The following PLCB4 variants were observed in gnomAD, a reference collection of about 807,000 sequenced individuals.
PLCB4 encodes phospholipase C beta 4.
PLCB4 carries 77 observed loss-of-function variants against 178.8 expected under a neutral mutation model. The observed-to-expected ratio is 0.43, with a 90% confidence interval of 0.36 to 0.52. The LOEUF is 0.52. Among genes scored for constraint, PLCB4 ranks in the 20% least tolerant of loss-of-function variants. The pLI is 0.00. For missense variants in PLCB4, 1,024 were observed against 1,453.4 expected (o/e 0.70, Z 4.80); for synonymous variants, 496 against 490.8 (o/e 1.01, Z -0.14).
At chr20:9,223,439 C>T (rs2093823998) in intron 3 of PLCB4, among the ~76,000 whole-genome samples, 1 of 152,162 alleles carries the variant, frequency 6.6e-6, no homozygotes, top group Admixed American at 6.5e-5. Context: ...TTTCTGTGGT[C>T]AGGAGTTAGG....
chr20:9,078,305 T>A (rs1308536297), intron 1 of PLCB4, among the ~76,000 whole-genome samples: 1 of 151,482 alleles, frequency 6.6e-6, no homozygotes. Flanking sequence ...TGAAATGATA[T>A]GTTGATAAAG....
chr20:9,367,658 C>G (rs1432435192), intron 9 of PLCB4, among the ~76,000 whole-genome samples: 1 of 152,158 alleles, frequency 6.6e-6, no homozygotes, highest in Non-Finnish European at 1.5e-5. Flanking sequence ...AGATGAGGTT[C>G]AGGAAATGGG....
At chr20:9,361,271 G>A (rs145535683) in intron 7 of PLCB4, among the ~76,000 whole-genome samples, 4 of 152,298 alleles carry the variant, frequency 2.6e-5, no homozygotes, top group Non-Finnish European at 5.9e-5. Context: ...CATCAGAGGT[G>A]AATGGATGAG....
intron 32 of PLCB4, among the ~76,000 whole-genome samples, chr20:9,453,120 T>C (rs1014260822): frequency 2.4e-4 from 36 of 152,214 alleles, no homozygotes; most frequent in African/African-American, 8.4e-4. Context: ...GCATTTGAAC[T>C]GGGCATGTTC....
intron 3 of PLCB4, among the ~76,000 whole-genome samples, chr20:9,230,013 A>C (rs1044124231): frequency 6.6e-6 from 1 of 152,168 alleles, no homozygotes; most frequent in Non-Finnish European, 1.5e-5. Context: ...GGATGGCCTA[A>C]ACCCACAGTT....
chr20:9,378,865 G>T (rs1157797625), intron 12 of PLCB4, among the ~76,000 whole-genome samples: 2 of 152,076 alleles, frequency 1.3e-5, no homozygotes, highest in Admixed American at 1.3e-4. Flanking sequence ...TTGGCCAAAA[G>T]CATTCATTCT....
At position 9,216,294 on chromosome 20, in the gene PLCB4, T is replaced by C. The variant is rs183958692; in HGVS notation, c.-78-1096T>C. 6.7e-3 allele frequency among the ~76,000 whole-genome samples: 1,024 copies of C among 152,218 alleles called. 10 individuals are homozygous for C. The highest frequency in any genetic ancestry group is 0.023 in the African/African-American group (959 of 41,528). ...GTGCAGTGGTGCCATCTCGGCTTGC[T>C]GCAAGCTTCGCCTCCCAGGTTCACG... On this transcript the variant is annotated intron_variant, in intron 2 of 39. Coordinates refer to ENST00000378473, the MANE Select transcript of PLCB4 (RefSeq NM_001377142.1).
rs2039023869 is a variant in PLCB4 at position 9,401,547 on chromosome 20, A to G, written c.1568A>G (p.Asp523Gly). 1.2e-6 allele frequency: 2 copies of G among 1,613,906 alleles called. No individual in the cohort carries two copies. Among genetic ancestry groups the G allele is most frequent in the Non-Finnish European group, 1.7e-6 (2 of 1,179,868 alleles). Residue 523 changes from aspartate to glycine, a missense_variant, in exon 20 of 40, where the codon GAT becomes GGT. Transcript: ENST00000378473. Reference protein sequence around the residue: ...EFKFGNELSADDLGHKEAVAN... With the variant: ...EFKFGNELSAGDLGHKEAVAN... The stretch of plus-strand genomic sequence containing the variant: ...AAATTTGGAAATGAACTTTCTGCTG[A>G]TGACTTGGGTCACAAGGAAGCTGTT...
intron 20 of PLCB4, among the ~76,000 whole-genome samples, chr20:9,404,087 G>A (rs571310297): frequency 6.6e-6 from 1 of 152,240 alleles, no homozygotes; most frequent in Non-Finnish European, 1.5e-5. Flanking sequence ...TTTCTTTTTC[G>A]GATGAATGAA....
At chr20:9,437,540 T>C (rs1349194691) in intron 30 of PLCB4, among the ~76,000 whole-genome samples, 1 of 152,212 alleles carries the variant, frequency 6.6e-6, no homozygotes, top group African/African-American at 2.4e-5. Flanking sequence ...ACGTGTCTCA[T>C]ATTCAGCCAG....
intron 3 of PLCB4, among the ~76,000 whole-genome samples, chr20:9,247,090 A>G (rs1029505140): frequency 2.6e-5 from 4 of 152,208 alleles, no homozygotes; most frequent in African/African-American, 9.6e-5. Context: ...CAACATCATA[A>G]TGTGATATTA....
chr20:9,340,722 G>A (rs1047184611), intron 7 of PLCB4, among the ~76,000 whole-genome samples: 7 of 151,930 alleles, frequency 4.6e-5, no homozygotes, highest in South Asian at 2.1e-4. Flanking sequence ...ATCCTTGCTC[G>A]TCCCCTTCCC....
intron 19 of PLCB4, among the ~76,000 whole-genome samples, chr20:9,398,999 T>C (rs2038822998): frequency 6.6e-6 from 1 of 152,194 alleles, no homozygotes; most frequent in African/African-American, 2.4e-5. Flanking sequence ...GCAAAAATAC[T>C]TTTTTAAAAA....
chr20:9,094,375 A>G (rs1360415576), intron 1 of PLCB4, among the ~76,000 whole-genome samples: 1 of 152,104 alleles, frequency 6.6e-6, no homozygotes, highest in African/African-American at 2.4e-5. Flanking sequence ...CATTTTTCCT[A>G]GTGTGATATT....
intron 3 of PLCB4, among the ~76,000 whole-genome samples, chr20:9,299,558 A>G (rs2094680453): frequency 6.6e-6 from 1 of 151,998 alleles, no homozygotes; most frequent in South Asian, 2.1e-4. Flanking sequence ...ACTGTATGTT[A>G]AGAGCATTTG....
chr20:9,341,289 A>G (rs1368120769), intron 7 of PLCB4, among the ~76,000 whole-genome samples: 1 of 152,042 alleles, frequency 6.6e-6, no homozygotes, highest in African/African-American at 2.4e-5. Context: ...GAGCTACCAT[A>G]CCCCTGTGCA....
At chr20:9,314,467 G>A (rs2094875859) in intron 4 of PLCB4, among the ~76,000 whole-genome samples, 1 of 152,114 alleles carries the variant, frequency 6.6e-6, no homozygotes, top group South Asian at 2.1e-4. Flanking sequence ...GAGAATAAGT[G>A]TAGAATGAGG....
intron 3 of PLCB4, among the ~76,000 whole-genome samples, chr20:9,282,332 G>C (rs1439875804): frequency 6.6e-6 from 1 of 151,964 alleles, no homozygotes; most frequent in Non-Finnish European, 1.5e-5. Flanking sequence ...CTGTCAGGTT[G>C]CTCACAATAA....
At chr20:9,185,429 A>G (rs927205415) in intron 2 of PLCB4, among the ~76,000 whole-genome samples, 1 of 151,966 alleles carries the variant, frequency 6.6e-6, no homozygotes, top group Non-Finnish European at 1.5e-5. Context: ...TGTCTGCTCT[A>G]CCTTCAAAAT....
Sources: gnomAD v4.1 joint callset for allele counts (sites outside exome capture counted in the v4.1 genomes callset) on GRCh38, gnomAD v4.1.1 for gene constraint, MANE v1.5 for transcripts, NCBI Gene and HGNC (gene_info 2026-07-23, HGNC 2026-07-21) for gene names.